The following MTHFD1 variants were observed in gnomAD, a reference collection of about 807,000 sequenced individuals.
The protein encoded by MTHFD1 is C-1-tetrahydrofolate synthase, cytoplasmic.
A neutral mutation model predicts 110.3 loss-of-function variants in MTHFD1; 44 were observed. That is an observed-to-expected ratio of 0.40 (90% CI 0.31 to 0.51). The LOEUF is 0.51. Among genes scored for constraint, MTHFD1 ranks in the 20% least tolerant of loss-of-function variants. MTHFD1 has a pLI of 0.60. For missense variants in MTHFD1, 909 were observed against 1,173.1 expected (o/e 0.77, Z 3.29); for synonymous variants, 402 against 428.8 (o/e 0.94, Z 0.77).
At chr14:64,395,111 G>A (rs963850134) in intron 1 of MTHFD1, among the ~76,000 whole-genome samples, 9 of 152,202 alleles carry the variant, frequency 5.9e-5, no homozygotes, top group African/African-American at 1.7e-4. Context: ...GTTAAGCACC[G>A]CTTCTTACAG....
intron 26 of MTHFD1, among the ~76,000 whole-genome samples, chr14:64,457,144 CAA>C (rs2078487489): frequency 6.6e-6 from 1 of 152,156 alleles, no homozygotes; most frequent in Admixed American, 6.5e-5. Context: ...AGATTATGTA[CAA>C]AAGTGTCTTG....
At chr14:64,458,161 G>T in intron 26 of MTHFD1, 53 bp from the exon 27 acceptor site, 2 of 1,379,526 alleles carry the variant, frequency 1.4e-6, no homozygotes, top group Non-Finnish European at 2.1e-6. Context: ...GATTATAGGC[G>T]TGAGCCACTG....
intron 13 of MTHFD1, 26 bp from the exon 14 acceptor site, chr14:64,431,506 C>A: frequency 1.3e-6 from 2 of 1,562,326 alleles, no homozygotes; most frequent in South Asian, 1.1e-5. Context: ...AGCTGGGAGA[C>A]TAATGTGGCT....
chr14:64,453,708 C>A, intron 24 of MTHFD1, 46 bp from the exon 25 acceptor site: 1 of 1,156,682 alleles, frequency 8.6e-7, no homozygotes, highest in Non-Finnish European at 1.3e-6. Context: ...TAAATGTCCT[C>A]ACATGTGTCC....
At chr14:64,407,745 G>A (rs920786776) in intron 2 of MTHFD1, among the ~76,000 whole-genome samples, 9 of 151,800 alleles carry the variant, frequency 5.9e-5, no homozygotes, top group Non-Finnish European at 7.4e-5. Context: ...ATGGGGTTTC[G>A]ATATGTTGCC....
At position 64,398,643 on chromosome 14, in the gene MTHFD1, C is replaced by T. The variant is rs1324131078; in HGVS notation, c.42-2150C>T. On this transcript the variant is annotated intron_variant, in intron 1 of 27. Coordinates refer to ENST00000652337, the MANE Select transcript of MTHFD1 (RefSeq NM_005956.4). ...TACCATTCAACATTCTTGATGTTTA[C>T]TAGGCCAGTCCAAATAATCTATTTC... Among the ~76,000 whole-genome samples, 5 of 152,242 alleles carry T rather than the reference C, an allele frequency of 3.3e-5. No individual in the cohort carries two copies. In the East Asian group the frequency reaches 7.7e-4, roughly 23 times the overall value.
Position 64,427,608 on chromosome 14 carries a change from C to G in MTHFD1, c.1264+135C>G. The G allele has an allele frequency of 7.6e-6, 7 of 917,926 alleles. No individual in the cohort carries two copies. The South Asian group carries it at 9.4e-5, about 12-fold the overall frequency. 56.9% of individuals were successfully genotyped at this position (917,926 alleles called of 1,614,324 possible). On this transcript the variant is annotated intron_variant, in intron 12 of 27. Transcript: ENST00000652337. ...CCAGGAATGTCATTCTCACAAACCT[C>G]TGTAGTCATGCTTTTGATGAAGGCT...
At chr14:64,413,471 A>C (rs1026305500) in intron 4 of MTHFD1, among the ~76,000 whole-genome samples, 1 of 152,348 alleles carries the variant, frequency 6.6e-6, no homozygotes, top group Admixed American at 6.5e-5. Context: ...GATTAAAGTC[A>C]GAACTGTGGT....
chr14:64,427,247 A>T lies in MTHFD1; in HGVS notation c.1128-90A>T, dbSNP rs958476092. ...TGTCTTTCTTAATCTTTAGATTACG[A>T]GTCATTCTCTAGGATCTGCTAGGTA... On this transcript the variant is annotated intron_variant, in intron 11 of 27. Transcript: ENST00000652337. 4.2e-6 allele frequency: 6 copies of T among 1,436,076 alleles called. No homozygotes were observed. The African/African-American group carries it at 5.6e-5, about 14-fold the overall frequency. The allele number at this position is 1,436,076 out of a possible 1,614,324, so 89.0% of individuals were successfully genotyped here.
At chr14:64,421,947 G>A (rs778956101) in intron 8 of MTHFD1, among the ~76,000 whole-genome samples, 9 of 151,968 alleles carry the variant, frequency 5.9e-5, no homozygotes, top group Non-Finnish European at 8.8e-5. Context: ...TTAAAACCTC[G>A]CATCTTCTGT....
Position 64,388,463 on chromosome 14 carries a change from C to G in MTHFD1, c.36C>G (p.Ile12Met), listed in dbSNP as rs746957800. 1 of 1,613,768 alleles carries G rather than the reference C, an allele frequency of 6.2e-7. No homozygotes were observed. The highest frequency in any genetic ancestry group is 8.5e-7 in the Non-Finnish European group (1 of 1,179,932). The change falls in exon 1 of 28, where the codon ATC becomes ATG. Residue 12 changes from isoleucine to methionine, a missense_variant. This residue lies in a region of MTHFD1 where 424 missense variants were observed against 510.4 expected (regional missense o/e 0.83). Transcript: ENST00000652337. Reference protein sequence around the residue: ...APAEILNGKEISAQIRARLKN... With the variant: ...APAEILNGKEMSAQIRARLKN... ...CAGAAATCCTGAACGGGAAGGAGAT[C>G]TCCGCGTAAGCACCTGACATTGTTG...
chr14:64,439,276 G>C, intron 17 of MTHFD1, 104 bp downstream of exon 17: 1 of 860,926 alleles, frequency 1.2e-6, no homozygotes, highest in South Asian at 1.4e-5. Context: ...GCCAGGTGTT[G>C]TTCTGCCTTC....
intron 4 of MTHFD1, among the ~76,000 whole-genome samples, chr14:64,414,327 C>G (rs1035171503): frequency 1.7e-5 from 2 of 118,378 alleles, no homozygotes; most frequent in Non-Finnish European, 3.3e-5. Context: ...GAGTCTTGCT[C>G]TGTTGCCCAG....
intron 2 of MTHFD1, among the ~76,000 whole-genome samples, chr14:64,409,185 A>T (rs1016569765): frequency 1.3e-5 from 2 of 152,246 alleles, no homozygotes; most frequent in Non-Finnish European, 2.9e-5. Flanking sequence ...CTCCTGTGTG[A>T]CATTAGATGC....
intron 24 of MTHFD1, among the ~76,000 whole-genome samples, chr14:64,453,264 G>T (rs2078405680): frequency 6.6e-6 from 1 of 151,798 alleles, no homozygotes; most frequent in Non-Finnish European, 1.5e-5. Flanking sequence ...AAAATCTGAG[G>T]CTTGATATTA....
chr14:64,434,268 G>A (rs908579500), intron 15 of MTHFD1, among the ~76,000 whole-genome samples: 14 of 152,150 alleles, frequency 9.2e-5, no homozygotes, highest in African/African-American at 3.4e-4. Flanking sequence ...TTACGTGTCT[G>A]TGATAAGAAC....
intron 17 of MTHFD1, chr14:64,439,495 A>T: frequency 2.6e-6 from 1 of 391,844 alleles, no homozygotes; most frequent in South Asian, 2.5e-5. Flanking sequence ...TTTAAGAGGT[A>T]CCATATTATT....
intron 13 of MTHFD1, among the ~76,000 whole-genome samples, 183 bp downstream of exon 13, chr14:64,430,413 G>A (rs1470037507): frequency 1.3e-5 from 2 of 149,794 alleles, no homozygotes; most frequent in African/African-American, 2.5e-5. Flanking sequence ...ACTCTCCTGC[G>A]TCAGCCTCCC....
intron 3 of MTHFD1, among the ~76,000 whole-genome samples, chr14:64,411,455 T>TA (rs1215465187): frequency 6.6e-6 from 1 of 152,214 alleles, no homozygotes; most frequent in Non-Finnish European, 1.5e-5. Context: ...GAGACAGGTC[T>TA]ATACCTTTCT....
Sources: allele counts gnomAD v4.1 joint callset (sites outside exome capture counted in the v4.1 genomes callset), GRCh38; gene constraint gnomAD v4.1.1; regional missense constraint gnomAD v4.1.1; transcripts MANE v1.5; gene names NCBI Gene and HGNC (gene_info 2026-07-23, HGNC 2026-07-21).